The following ATP6V1H variants were observed in gnomAD, a reference collection of about 807,000 sequenced individuals.
ATP6V1H encodes the protein ATPase H+ transporting V1 subunit H.
In ATP6V1H, 39 loss-of-function variants were observed where a neutral mutation model predicts 71.7. The observed-to-expected ratio is 0.54, with a 90% confidence interval of 0.42 to 0.71. The LOEUF is 0.71. Ranked by LOEUF, ATP6V1H falls within the 30% of genes least tolerant of loss-of-function variation. The pLI is 0.00. For synonymous variants in ATP6V1H, 192 were observed against 199.3 expected, an observed-to-expected ratio of 0.96 and a Z score of 0.31; for missense variants, 509 against 594.9, an observed-to-expected ratio of 0.86 and a Z score of 1.50.
intron 9 of ATP6V1H, among the ~76,000 whole-genome samples, chr8:53,777,348 G>A (rs548745462): frequency 4.8e-4 from 73 of 151,938 alleles, no homozygotes; most frequent in Non-Finnish European, 8.5e-4. Context: ...ATATACAGGG[G>A]AACAAAAATA....
intron 13 of ATP6V1H, among the ~76,000 whole-genome samples, chr8:53,723,374 T>C (rs1450344429): frequency 3.3e-5 from 5 of 152,268 alleles, no homozygotes; most frequent in East Asian, 1.9e-4. Context: ...CATGGCTGGA[T>C]TGGATCTGCA....
At chr8:53,760,738 G>C (rs929878038) in intron 11 of ATP6V1H, among the ~76,000 whole-genome samples, 2 of 152,100 alleles carry the variant, frequency 1.3e-5, no homozygotes, top group African/African-American at 4.8e-5. Flanking sequence ...GGGGACCCCA[G>C]AGAAACCTCA....
chr8:53,774,970 T>C (rs1808810824), intron 9 of ATP6V1H, among the ~76,000 whole-genome samples: 1 of 152,234 alleles, frequency 6.6e-6, no homozygotes, highest in East Asian at 1.9e-4. Flanking sequence ...CGCAAGTGTG[T>C]CCGCAATTGG....
intron 11 of ATP6V1H, among the ~76,000 whole-genome samples, chr8:53,763,284 T>C (rs989303569): frequency 4.6e-5 from 7 of 152,286 alleles, no homozygotes; most frequent in African/African-American, 1.7e-4. Flanking sequence ...AACTCAATTG[T>C]TTTTCTATAA....
intron 12 of ATP6V1H, among the ~76,000 whole-genome samples, chr8:53,747,322 T>C (rs890303544): frequency 6.6e-6 from 1 of 152,184 alleles, no homozygotes; most frequent in South Asian, 2.1e-4. Flanking sequence ...TGTGTAGCAA[T>C]ATACCCTCTA....
At chr8:53,822,615 G>A (rs962720346) in intron 4 of ATP6V1H, among the ~76,000 whole-genome samples, 1 of 151,910 alleles carries the variant, frequency 6.6e-6, no homozygotes, top group Admixed American at 6.6e-5. Flanking sequence ...AAATAGTAAT[G>A]CACACAGTAA....
chr8:53,752,202 G>A (rs1807821087), intron 12 of ATP6V1H, among the ~76,000 whole-genome samples: 1 of 152,186 alleles, frequency 6.6e-6, no homozygotes, highest in Non-Finnish European at 1.5e-5. Context: ...AAAAATTAAT[G>A]AGGGCTATGG....
chr8:53,814,331 G>A (rs976530343), intron 6 of ATP6V1H, among the ~76,000 whole-genome samples: 5 of 151,962 alleles, frequency 3.3e-5, no homozygotes, highest in African/African-American at 4.8e-5. Context: ...TCACACGCAC[G>A]TGCTCTTTGG....
intron 2 of ATP6V1H, among the ~76,000 whole-genome samples, chr8:53,836,798 C>A (rs1337461603): frequency 6.6e-6 from 1 of 152,162 alleles, no homozygotes; most frequent in Non-Finnish European, 1.5e-5. Context: ...TATAATCATG[C>A]ACATGTTACT....
chr8:53,831,747 CTTTTTTTT>C (rs34474317), intron 3 of ATP6V1H: 3 of 109,826 alleles, frequency 2.7e-5, no homozygotes, highest in African/African-American at 7.4e-5. Flanking sequence ...TAATTACACT[CTTTTTTTT>C]TTTTTTTTTT....
chr8:53,753,460 C>T (rs1369432293), intron 12 of ATP6V1H, among the ~76,000 whole-genome samples: 2 of 152,184 alleles, frequency 1.3e-5, no homozygotes, highest in Non-Finnish European at 2.9e-5. Flanking sequence ...AGCAGAATTA[C>T]GTGAAGGCAT....
chr8:53,823,491 G>A (rs1027869756), intron 4 of ATP6V1H, among the ~76,000 whole-genome samples: 1 of 152,002 alleles, frequency 6.6e-6, no homozygotes, highest in Non-Finnish European at 1.5e-5. Flanking sequence ...TTTTGGGGGG[G>A]CGGGGGAGAT....
intron 8 of ATP6V1H, among the ~76,000 whole-genome samples, chr8:53,798,901 C>A (rs1459034822): frequency 6.6e-6 from 1 of 152,042 alleles, no homozygotes. Flanking sequence ...GTTAACATTG[C>A]TGAATGGTCT....
intron 13 of ATP6V1H, among the ~76,000 whole-genome samples, chr8:53,723,969 T>A (rs749107987): frequency 3.9e-5 from 6 of 152,240 alleles, no homozygotes; most frequent in Non-Finnish European, 8.8e-5. Flanking sequence ...AAAAACCAGT[T>A]TTTAAATTAA....
chr8:53,834,270 C>T (rs1811091318), intron 2 of ATP6V1H, among the ~76,000 whole-genome samples: 1 of 152,162 alleles, frequency 6.6e-6, no homozygotes, highest in South Asian at 2.1e-4. Context: ...TATGATACTA[C>T]CTGCCCTAGC....
intron 9 of ATP6V1H, among the ~76,000 whole-genome samples, chr8:53,772,919 A>C (rs1015123183): frequency 3.8e-4 from 57 of 151,328 alleles, no homozygotes; most frequent in Non-Finnish European, 4.4e-4. Flanking sequence ...AAAAAAAAAA[A>C]AAACAAAACA....
chr8:53,822,835 G>T (rs904267759), intron 4 of ATP6V1H, among the ~76,000 whole-genome samples: 28 of 152,132 alleles, frequency 1.8e-4, no homozygotes, highest in Non-Finnish European at 2.5e-4. Flanking sequence ...AAGAAGCCAT[G>T]AGTTGCTATA....
chr8:53,746,063 C>G (rs1426101120), intron 12 of ATP6V1H, among the ~76,000 whole-genome samples: 1 of 152,216 alleles, frequency 6.6e-6, no homozygotes, highest in Admixed American at 6.5e-5. Context: ...TCACACACCA[C>G]TTACAGTAAT....
intron 13 of ATP6V1H, among the ~76,000 whole-genome samples, chr8:53,733,791 C>CA (rs1218729595): frequency 1.3e-5 from 2 of 152,154 alleles, no homozygotes; most frequent in Middle Eastern, 6.3e-3. Flanking sequence ...ATAGGGGTCT[C>CA]AACAGCAGCA....
Sources: allele counts gnomAD v4.1 joint callset (sites outside exome capture counted in the v4.1 genomes callset), GRCh38; gene constraint gnomAD v4.1.1; transcripts MANE v1.5; gene names NCBI Gene and HGNC (gene_info 2026-07-23, HGNC 2026-07-21).